The following RSBN1L variants were observed in gnomAD, a reference collection of about 807,000 sequenced individuals.
The protein encoded by RSBN1L is round spermatid basic protein 1 like.
In RSBN1L, 30 loss-of-function variants were observed where a neutral mutation model predicts 67.7. The observed-to-expected ratio is 0.44, with a 90% CI of 0.33 to 0.60. RSBN1L has a LOEUF of 0.60. Ranked by LOEUF, RSBN1L falls within the 20% of genes least tolerant of loss-of-function variation. The pLI is 0.02. For missense variants in RSBN1L, 992 were observed against 1,031.7 expected, an observed-to-expected ratio of 0.96 and a Z score of 0.53; for synonymous variants, 433 against 387.0, an observed-to-expected ratio of 1.12 and a Z score of -1.39.
intron 3 of RSBN1L, among the ~76,000 whole-genome samples, chr7:77,757,692 G>C (rs1791637295): frequency 6.6e-6 from 1 of 152,208 alleles, no homozygotes; most frequent in Non-Finnish European, 1.5e-5. Context: ...CAGACCAGTT[G>C]GGTCTTGGGA....
chr7:77,720,815 G>A (rs1289657473), intron 1 of RSBN1L, among the ~76,000 whole-genome samples: 4 of 127,270 alleles, frequency 3.1e-5, no homozygotes, highest in South Asian at 4.9e-4. Flanking sequence ...ACCCAGGCTC[G>A]AGTGCAGTGG....
chr7:77,752,433 AGTT>A lies in RSBN1L; in HGVS notation c.1344+2375_1344+2377del, dbSNP rs747913477. Among the ~76,000 whole-genome samples the A allele has an allele frequency of 3.6e-4, 55 of 152,098 alleles. 1 individual carries two copies. The highest frequency in any genetic ancestry group is 2.3e-3 in the Admixed American group (35 of 15,270). ...CAGATCTTATTCCTGTGAGTGGGGA[AGTT>A]GTTGTGTGCAGATTGGGGAGGTAGC... On this transcript the variant is annotated intron_variant, in intron 3 of 7. Transcript: ENST00000334955.
rs369302909 is a variant in RSBN1L at position 77,731,826 on chromosome 7, C to A, written c.587-4584C>A. On this transcript the variant is annotated intron_variant, in intron 1 of 7. Transcript: ENST00000334955. ...CTTCTGTGTTATTTTCTAGCACATA[C>A]CACTTCTCCTAGTTTAGACTTTTTT... Among the ~76,000 whole-genome samples the A allele has an allele frequency of 5.2e-4, 79 of 151,896 alleles. 1 individual carries two copies. In the South Asian group the frequency reaches 0.01, roughly 20 times the overall value.
At chr7:77,719,157 C>T (rs1385931724) in intron 1 of RSBN1L, among the ~76,000 whole-genome samples, 3 of 152,158 alleles carry the variant, frequency 2.0e-5, no homozygotes, top group Admixed American at 2.0e-4. Context: ...CATTAGGGCA[C>T]ATAATGTATG....
At chr7:77,734,308 TA>T (rs1333843191) in intron 1 of RSBN1L, among the ~76,000 whole-genome samples, 5 of 152,142 alleles carry the variant, frequency 3.3e-5, no homozygotes, top group African/African-American at 9.7e-5. Flanking sequence ...TAATAGTTAC[TA>T]AAATAATACG....
At chr7:77,738,392 T>C (rs1283763389) in intron 2 of RSBN1L, among the ~76,000 whole-genome samples, 1 of 152,164 alleles carries the variant, frequency 6.6e-6, no homozygotes, top group Admixed American at 6.5e-5. Context: ...CTAGTGATGA[T>C]TAAGGTAAAA....
In RSBN1L at chr7:77,735,926, T is replaced by C. The variant is rs549227239; in HGVS notation, c.587-484T>C. On this transcript the variant is annotated intron_variant, in intron 1 of 7. Transcript: ENST00000334955. ...GGGAACCAACATCTAGTCTTATGTA[T>C]GCCAGGCTCTATGTAGTCATTTTAT... Among the ~76,000 whole-genome samples the C allele has an allele frequency of 3.9e-5, 6 of 152,266 alleles. No individual in the cohort carries two copies. In the South Asian group the frequency reaches 1.2e-3, roughly 32 times the overall value.
chr7:77,722,605 A>G (rs1160243769), intron 1 of RSBN1L, among the ~76,000 whole-genome samples: 1 of 151,894 alleles, frequency 6.6e-6, no homozygotes, highest in African/African-American at 2.4e-5. Context: ...TGTATCCTTC[A>G]TCTCCTTCAA....
At chr7:77,699,181 T>G (rs1416526854) in intron 1 of RSBN1L, among the ~76,000 whole-genome samples, 1 of 152,188 alleles carries the variant, frequency 6.6e-6, no homozygotes, top group African/African-American at 2.4e-5. Context: ...TTGCCCTAAG[T>G]TGGCTGTGCA....
chr7:77,752,471 G>T (rs1394765605), intron 3 of RSBN1L, among the ~76,000 whole-genome samples: 1 of 152,118 alleles, frequency 6.6e-6, no homozygotes, highest in Non-Finnish European at 1.5e-5. Context: ...CCTTTGATTT[G>T]TCCTTAGGCA....
In RSBN1L at chr7:77,768,733, A is replaced by C. The variant is rs781403528; in HGVS notation, c.1555A>C (p.Met519Leu). The C allele has an allele frequency of 6.2e-7, 1 of 1,614,096 alleles. No homozygotes were observed. The highest frequency in any genetic ancestry group is 2.2e-5 in the East Asian group (1 of 44,868). Reference protein sequence around the residue: ...SRKDSDDGPIMWVRPGEQMIP... With the variant: ...SRKDSDDGPILWVRPGEQMIP... The stretch of plus-strand genomic sequence containing the variant: ...AAAAGATAGTGATGATGGTCCCATC[A>C]TGTGGGTTCGTCCAGGAGAACAAAT... The change falls in exon 5 of 8, where the codon ATG (methionine) becomes CTG (leucine). Residue 519 changes from methionine (M) to leucine (L), a missense_variant. Physicochemically the swap from Met to Leu is conservative, Grantham distance 15. Transcript: ENST00000334955.
At position 77,773,513 on chromosome 7, in the gene RSBN1L, G is replaced by A. The variant is rs530055056; in HGVS notation, c.1793+199G>A. On this transcript the variant is annotated intron_variant, in intron 6 of 7. Coordinates refer to ENST00000334955, the MANE Select transcript of RSBN1L (RefSeq NM_198467.3). The stretch of plus-strand genomic sequence containing the variant: ...GGTGGGGTGGCTCACACCTGTAATC[G>A]CAGCACTTTGGGAGGCCGAGGTGGG... 12 of 361,418 alleles carry A rather than the reference G, an allele frequency of 3.3e-5. 1 individual carries two copies. The South Asian group carries it at 5.5e-4, about 16-fold the overall frequency. The allele number at this position is 361,418 out of a possible 1,614,324, so 22.4% of individuals were successfully genotyped here.
At chr7:77,766,723 C>T (rs1791770373) in intron 4 of RSBN1L, among the ~76,000 whole-genome samples, 1 of 152,162 alleles carries the variant, frequency 6.6e-6, no homozygotes, top group South Asian at 2.1e-4. Context: ...TCTGATACCA[C>T]ATAATCTATA....
At chr7:77,763,149 C>CTTTTTTTT (rs11440608) in intron 3 of RSBN1L, among the ~76,000 whole-genome samples, 2 of 126,952 alleles carry the variant, frequency 1.6e-5, no homozygotes, top group African/African-American at 3.0e-5. Context: ...TATAATTTGA[C>CTTTTTTTT]TTTTTTTTTT....
intron 3 of RSBN1L, among the ~76,000 whole-genome samples, chr7:77,764,395 A>G (rs752475018): frequency 6.6e-6 from 1 of 152,198 alleles, no homozygotes; most frequent in African/African-American, 2.4e-5. Context: ...GTAGTTACCA[A>G]TCAATCTTGA....
chr7:77,778,328 T>C lies in RSBN1L; in HGVS notation c.1794-10T>C. On this transcript the variant is annotated splice_polypyrimidine_tract_variant and intron_variant, in intron 6 of 7. Transcript: ENST00000334955. ...ATGGCAGATTCTTGTTATCTCGTTT[T>C]CTTTTTTAGGCCTGATCAACCCCGT... is the stretch of plus-strand genomic sequence containing the variant. The C allele has an allele frequency of 1.9e-6, 3 of 1,572,718 alleles. No individual in the cohort carries two copies. The highest frequency in any genetic ancestry group is 2.6e-6 in the Non-Finnish European group (3 of 1,160,530).
chr7:77,739,281 T>C (rs911225157), intron 2 of RSBN1L, among the ~76,000 whole-genome samples: 6 of 152,226 alleles, frequency 3.9e-5, no homozygotes, highest in African/African-American at 1.2e-4. Flanking sequence ...ATTCTATCCT[T>C]GTAATTTTTT....
intron 2 of RSBN1L, among the ~76,000 whole-genome samples, chr7:77,740,858 T>A (rs1478041877): frequency 7.2e-5 from 11 of 152,260 alleles, no homozygotes; most frequent in African/African-American, 2.6e-4. Flanking sequence ...ACTCCCAGTC[T>A]GGCACACTCT....
Position 77,779,732 on chromosome 7 carries a change from G to A in RSBN1L, c.*564G>A, listed in dbSNP as rs1791971709. On this transcript the variant is annotated 3_prime_UTR_variant, in exon 8 of 8. Transcript: ENST00000334955. ...AGTCATTTGATAATGATTCTCTGCT[G>A]GTATATCTATTTAGTGTGGTATTGT... 6.6e-6 allele frequency: 1 copy of A among 150,764 alleles called. No individual in the cohort carries two copies. Among genetic ancestry groups the A allele is most frequent in the African/African-American group, 2.4e-5 (1 of 40,892 alleles). The allele number at this position is 150,764 out of a possible 1,614,324, so 9.3% of individuals were successfully genotyped here. A position where few individuals can be genotyped will look rare whatever the true frequency, so the allele number is the denominator to read the frequency against.
Sources: allele counts gnomAD v4.1 joint callset (sites outside exome capture counted in the v4.1 genomes callset), GRCh38; gene constraint gnomAD v4.1.1; transcripts MANE v1.5; gene names NCBI Gene and HGNC (gene_info 2026-07-23, HGNC 2026-07-21).